The following DLGAP4 variants were observed in gnomAD, a reference collection of about 807,000 sequenced individuals.
DLGAP4 encodes the protein DLG associated protein 4, also known as disks large-associated protein 4.
A neutral mutation model predicts 86.9 loss-of-function variants in DLGAP4; 18 were observed. The ratio of observed to expected loss-of-function variants is 0.21; its 90% CI spans 0.14 to 0.31. The LOEUF is 0.31. Ranked by LOEUF, DLGAP4 falls within the 10% of genes least tolerant of loss-of-function variation. DLGAP4 has a pLI of 1.00. For synonymous variants in DLGAP4, 548 were observed against 574.3 expected (o/e 0.95, Z 0.65); for missense variants, 1,085 against 1,362.6 (o/e 0.80, Z 3.21).
chr20:36,359,231 T>C (rs1359601152), intron 1 of DLGAP4, among the ~76,000 whole-genome samples: 1 of 152,220 alleles, frequency 6.6e-6, no homozygotes, highest in African/African-American at 2.4e-5. Context: ...GGAATTCTCG[T>C]GCCTCAGCCT....
chr20:36,317,657 A>G (rs1269180662), intron 1 of DLGAP4, among the ~76,000 whole-genome samples: 2 of 150,214 alleles, frequency 1.3e-5, no homozygotes, highest in Non-Finnish European at 3.0e-5. Flanking sequence ...GGGTCTTGCT[A>G]TGTTGCCCAG....
intron 1 of DLGAP4, among the ~76,000 whole-genome samples, chr20:36,329,537 C>G (rs373712290): frequency 3.3e-5 from 5 of 152,302 alleles, no homozygotes; most frequent in Admixed American, 1.3e-4. Context: ...AAAACTGAGT[C>G]AGAAGTGGCC....
intron 2 of DLGAP4, among the ~76,000 whole-genome samples, chr20:36,368,715 G>A (rs2030795474): frequency 6.6e-6 from 1 of 152,224 alleles, no homozygotes; most frequent in African/African-American, 2.4e-5. Flanking sequence ...CTCAAGGAAT[G>A]CAAGGGCCTC....
rs577718386 is a variant in DLGAP4 at position 36,326,200 on chromosome 20, A to G, written c.-304+19688A>G. On this transcript the variant is annotated intron_variant, in intron 1 of 12. Transcript: ENST00000339266. ...GCAGGATGCTGTTAAAGCGGTACTC[A>G]GGGGAAACCCAATAAGTTGGGCCCC... is the stretch of plus-strand genomic sequence containing the variant. Among the ~76,000 whole-genome samples, 37 of 150,172 alleles carry G rather than the reference A, an allele frequency of 2.5e-4. 2 individuals are homozygous for G. In the South Asian group the frequency reaches 6.2e-3, roughly 25 times the overall value.
chr20:36,457,674 C>A (rs558692291), intron 7 of DLGAP4, among the ~76,000 whole-genome samples: 1 of 151,964 alleles, frequency 6.6e-6, no homozygotes, highest in African/African-American at 2.4e-5. Context: ...AGCCACCACG[C>A]CCGGCCAATT....
intron 7 of DLGAP4, among the ~76,000 whole-genome samples, chr20:36,472,858 A>G (rs979110874): frequency 6.6e-6 from 1 of 151,964 alleles, no homozygotes; most frequent in Non-Finnish European, 1.5e-5. Flanking sequence ...CCTTTTCCCT[A>G]CCCACTCCCA....
At chr20:36,524,154 C>T (rs1273020580) in intron 10 of DLGAP4, 96 bp from the exon 11 acceptor site, 2 of 924,684 alleles carry the variant, frequency 2.2e-6, no homozygotes, top group East Asian at 2.4e-5. Context: ...ATGAGTTCTA[C>T]CCTAAGGGAG....
intron 7 of DLGAP4, among the ~76,000 whole-genome samples, chr20:36,447,756 A>T (rs1211596733): frequency 6.6e-6 from 1 of 151,974 alleles, no homozygotes; most frequent in Non-Finnish European, 1.5e-5. Context: ...AAGATAACCC[A>T]TATGTGATCA....
At chr20:36,447,902 G>C (rs1200521727) in intron 7 of DLGAP4, among the ~76,000 whole-genome samples, 1 of 12,426 alleles carries the variant, frequency 8.0e-5, no homozygotes, top group African/African-American at 1.3e-4. Flanking sequence ...TCAGGGGGGT[G>C]GGGGGGGGGG....
chr20:36,319,190 T>G (rs1238758938), intron 1 of DLGAP4, among the ~76,000 whole-genome samples: 4 of 151,756 alleles, frequency 2.6e-5, no homozygotes, highest in African/African-American at 9.7e-5. Flanking sequence ...GGTGGGCATC[T>G]GTCTCAGGCC....
chr20:36,313,890 C>T (rs1046329412), intron 1 of DLGAP4, among the ~76,000 whole-genome samples: 5 of 152,120 alleles, frequency 3.3e-5, no homozygotes, highest in Non-Finnish European at 5.9e-5. Context: ...TCTCAGTTAC[C>T]CCATCGGAAC....
In DLGAP4 at chr20:36,442,852, G is replaced by A. The variant is rs1600535936; in HGVS notation, c.1407+75G>A. ...GGGCCTTAGGCCTGCCCTCTGAGTG[G>A]TCCCAGCACCCGGCCCAGGCTGGTA... On this transcript the variant is annotated intron_variant, in intron 6 of 12. Coordinates refer to ENST00000339266, the MANE Select transcript of DLGAP4 (RefSeq NM_001365621.2). The A allele has an allele frequency of 6.3e-6, 10 of 1,592,866 alleles. No individual in the cohort carries two copies. The South Asian group carries it at 9.9e-5, about 16-fold the overall frequency.
chr20:36,509,283 A>G (rs1461543880), intron 10 of DLGAP4, among the ~76,000 whole-genome samples: 1 of 151,900 alleles, frequency 6.6e-6, no homozygotes, highest in Non-Finnish European at 1.5e-5. Context: ...TTAAAAATAA[A>G]CAATTGGCCA....
chr20:36,336,765 A>C (rs1555892144), intron 1 of DLGAP4, among the ~76,000 whole-genome samples: 1 of 152,058 alleles, frequency 6.6e-6, no homozygotes, highest in African/African-American at 2.4e-5. Context: ...GGCTGCCTTG[A>C]TGTGCCCACC....
At chr20:36,374,570 G>A (rs564117900) in intron 2 of DLGAP4, among the ~76,000 whole-genome samples, 2 of 152,346 alleles carry the variant, frequency 1.3e-5, no homozygotes, top group African/African-American at 2.4e-5. Context: ...GATGAAGGAA[G>A]TGTCAGTGAG....
At chr20:36,462,638 C>T (rs770784416) in intron 7 of DLGAP4, 1 of 1,564,040 alleles carries the variant, frequency 6.4e-7, no homozygotes, top group South Asian at 1.2e-5. Flanking sequence ...GGAGTTGGCC[C>T]GCAGGCTGGC....
chr20:36,497,203 T>C (rs956523318), intron 8 of DLGAP4, 137 bp downstream of exon 8: 8 of 1,455,648 alleles, frequency 5.5e-6, no homozygotes, highest in Middle Eastern at 2.5e-4. Context: ...CAGCCCCAAG[T>C]GGCCAAACCG....
At chr20:36,446,630 C>T in intron 6 of DLGAP4, 67 bp from the exon 7 acceptor site, 2 of 1,496,198 alleles carry the variant, frequency 1.3e-6, no homozygotes, top group Non-Finnish European at 1.8e-6. Context: ...GAGCCCACCA[C>T]CAAGAACCGC....
At chr20:36,486,145 T>C (rs752812685) in intron 7 of DLGAP4, among the ~76,000 whole-genome samples, 9 of 152,220 alleles carry the variant, frequency 5.9e-5, no homozygotes, top group Non-Finnish European at 1.2e-4. Flanking sequence ...AAATATTTAC[T>C]GAGCCCAACC....
Sources: gnomAD v4.1 joint callset for allele counts (sites outside exome capture counted in the v4.1 genomes callset) on GRCh38, gnomAD v4.1.1 for gene constraint, MANE v1.5 for transcripts, NCBI Gene and HGNC (gene_info 2026-07-23, HGNC 2026-07-21) for gene names.